The following NRG1 variants were observed in gnomAD, a reference collection of about 807,000 sequenced individuals.
NRG1 encodes pro-neuregulin-1, membrane-bound isoform.
A neutral mutation model predicts 63.8 loss-of-function variants in NRG1; 18 were observed. That is an observed-to-expected ratio of 0.28 (90% confidence interval 0.19 to 0.42). NRG1 has a LOEUF of 0.42. Ranked by LOEUF, NRG1 falls within the 10% of genes least tolerant of loss-of-function variation. The probability of loss-of-function intolerance (pLI) is 1.00; values close to 1 mark genes in which losing one functional copy is unlikely to be tolerated. For missense variants in NRG1, 762 were observed against 814.7 expected, an observed-to-expected ratio of 0.94 and a Z score of 0.79; for synonymous variants, 302 against 301.3, an observed-to-expected ratio of 1.00 and a Z score of -0.02.
intron 1 of NRG1, among the ~76,000 whole-genome samples, chr8:31,770,533 C>T (rs373344057): frequency 5.3e-5 from 8 of 150,936 alleles, no homozygotes; most frequent in Admixed American, 1.3e-4. Context: ...AACCAAACAC[C>T]GCATGTTCTC....
intron 1 of NRG1, among the ~76,000 whole-genome samples, chr8:32,051,072 A>G (rs1413574606): frequency 6.6e-6 from 1 of 152,070 alleles, no homozygotes; most frequent in African/African-American, 2.4e-5. Context: ...TCCCTCATAA[A>G]ATTCACAGAA....
intron 1 of NRG1, among the ~76,000 whole-genome samples, chr8:31,734,225 C>G (rs1452782543): frequency 6.6e-6 from 1 of 152,156 alleles, no homozygotes; most frequent in African/African-American, 2.4e-5. Flanking sequence ...GCCTGGAAGG[C>G]TGAGGCAGGA....
At chr8:31,719,864 A>G (rs1047832768) in intron 1 of NRG1, among the ~76,000 whole-genome samples, 3 of 152,116 alleles carry the variant, frequency 2.0e-5, no homozygotes, top group African/African-American at 7.2e-5. Context: ...GTGAAGACAA[A>G]TGTTTTTTGT....
At chr8:32,257,603 A>G (rs561312690) in intron 1 of NRG1, among the ~76,000 whole-genome samples, 1 of 152,268 alleles carries the variant, frequency 6.6e-6, no homozygotes, top group Admixed American at 6.5e-5. Context: ...TTGTCAGTCC[A>G]TAATTTTTTT....
chr8:31,761,728 A>G (rs186177420), intron 1 of NRG1, among the ~76,000 whole-genome samples: 19 of 152,270 alleles, frequency 1.2e-4, no homozygotes, highest in African/African-American at 4.3e-4. Context: ...ATGAAAGATC[A>G]TTGATCGCAG....
intron 1 of NRG1, among the ~76,000 whole-genome samples, chr8:31,902,652 A>G (rs529458385): frequency 6.6e-6 from 1 of 152,314 alleles, no homozygotes; most frequent in Admixed American, 6.5e-5. Context: ...ATATTTCTTA[A>G]GTACTTTAGT....
intron 1 of NRG1, among the ~76,000 whole-genome samples, chr8:32,524,891 C>T (rs554123412): frequency 1.5e-3 from 222 of 152,310 alleles, no homozygotes; most frequent in African/African-American, 5.0e-3. Context: ...TTTCATTTGC[C>T]TGATTTACCC....
intron 1 of NRG1, among the ~76,000 whole-genome samples, chr8:31,692,631 A>G (rs1375982485): frequency 6.6e-6 from 1 of 152,240 alleles, no homozygotes; most frequent in African/African-American, 2.4e-5. Flanking sequence ...AAGAATAGAA[A>G]AGGAAGCAGA....
At chr8:32,514,419 C>G (rs1829576586) in intron 1 of NRG1, among the ~76,000 whole-genome samples, 1 of 152,054 alleles carries the variant, frequency 6.6e-6, no homozygotes, top group Non-Finnish European at 1.5e-5. Context: ...TTTTAACATG[C>G]TTCATGCTTG....
At chr8:32,391,787 C>T (rs562801911) in intron 1 of NRG1, among the ~76,000 whole-genome samples, 136 of 152,206 alleles carry the variant, frequency 8.9e-4, no homozygotes, top group Non-Finnish European at 1.7e-3. Context: ...AGGTTGATTC[C>T]TATATATTTT....
intron 1 of NRG1, among the ~76,000 whole-genome samples, chr8:31,940,613 G>C (rs1801608031): frequency 6.6e-6 from 1 of 151,872 alleles, no homozygotes; most frequent in Non-Finnish European, 1.5e-5. Context: ...ATAAAAAGCT[G>C]TTTCTTTGAA....
At chr8:32,333,407 T>C (rs1327924195) in intron 1 of NRG1, among the ~76,000 whole-genome samples, 3 of 152,194 alleles carry the variant, frequency 2.0e-5, no homozygotes, top group Admixed American at 6.5e-5. Context: ...GCTTCTAGAA[T>C]GCAGGGGCTG....
At chr8:32,528,761 A>G (rs1254693547) in intron 1 of NRG1, among the ~76,000 whole-genome samples, 1 of 152,190 alleles carries the variant, frequency 6.6e-6, no homozygotes, top group African/African-American at 2.4e-5. Context: ...TAGAATACAT[A>G]CAGGTCCTAT....
intron 1 of NRG1, among the ~76,000 whole-genome samples, chr8:32,472,950 CT>C (rs2129490928): frequency 6.6e-6 from 1 of 152,244 alleles, no homozygotes; most frequent in South Asian, 2.1e-4. Flanking sequence ...AGTATTTTCG[CT>C]ATGTGTTTTG....
At chr8:32,044,913 CAA>C in intron 1 of NRG1, among the ~76,000 whole-genome samples, 6,623 of 57,266 alleles carry the variant, frequency 0.12, 442 homozygotes, top group East Asian at 0.3. Context: ...TAAAGAAAAG[CAA>C]AAAAAAAAAA....
chr8:32,236,828 C>G (rs991920330), intron 1 of NRG1, among the ~76,000 whole-genome samples: 4 of 152,146 alleles, frequency 2.6e-5, no homozygotes, highest in African/African-American at 4.8e-5. Context: ...CTAATGTGAA[C>G]ATTCTGGCAG....
chr8:32,035,550 TC>T (rs1374874542), intron 1 of NRG1, among the ~76,000 whole-genome samples: 3 of 152,132 alleles, frequency 2.0e-5, no homozygotes, highest in Non-Finnish European at 4.4e-5. Flanking sequence ...TGTTAAAGTA[TC>T]CCCACAATTA....
chr8:31,842,817 A>C (rs1261108124), intron 1 of NRG1, among the ~76,000 whole-genome samples: 1 of 152,132 alleles, frequency 6.6e-6, no homozygotes, highest in Non-Finnish European at 1.5e-5. Flanking sequence ...GTATGGGTAC[A>C]TTTCCTTCTT....
chr8:32,379,459 C>T (rs1195321534), intron 1 of NRG1, among the ~76,000 whole-genome samples: 1 of 152,136 alleles, frequency 6.6e-6, no homozygotes, highest in African/African-American at 2.4e-5. Flanking sequence ...TTAGCAGCAC[C>T]TTGACATTTT....
Sources: allele counts gnomAD v4.1 joint callset (sites outside exome capture counted in the v4.1 genomes callset), GRCh38; gene constraint gnomAD v4.1.1; transcripts MANE v1.5; gene names NCBI Gene and HGNC (gene_info 2026-07-23, HGNC 2026-07-21).